Variants in AGAP1 observed in about 807,000 individuals in gnomAD.
AGAP1 encodes the protein arf-GAP with GTPase, ANK repeat and PH domain-containing protein 1.
AGAP1 carries 29 observed loss-of-function variants against 105.3 expected under a neutral mutation model. That is an observed-to-expected ratio of 0.28 (90% CI 0.21 to 0.38). The LOEUF (loss-of-function observed/expected upper bound fraction) is 0.38. Ranked by LOEUF, AGAP1 falls within the 10% of genes least tolerant of loss-of-function variation. The pLI, the probability that AGAP1 is intolerant of heterozygous loss-of-function variation, is 1.00. For synonymous variants in AGAP1, 509 were observed against 485.9 expected (o/e 1.05, Z -0.63); for missense variants, 998 against 1,165.1 (o/e 0.86, Z 2.09).
chr2:235,807,712 A>G (rs1010277105), intron 9 of AGAP1, among the ~76,000 whole-genome samples: 2 of 152,178 alleles, frequency 1.3e-5, no homozygotes, highest in Non-Finnish European at 2.9e-5. Context: ...ACGTGGCCCT[A>G]ATTTGCTCTC....
chr2:235,502,948 A>ATTAGCTTCAG (rs967469558), intron 1 of AGAP1, among the ~76,000 whole-genome samples: 1 of 151,974 alleles, frequency 6.6e-6, no homozygotes, highest in Non-Finnish European at 1.5e-5. Context: ...TTTAGCTTCA[A>ATTAGCTTCAG]TTCAATAAGT....
At position 236,038,067 on chromosome 2, in the gene AGAP1, A is replaced by T. The variant is rs2057435053; in HGVS notation, c.1800+1352A>T. ...ACCAGACCACAGTCATTATTATTATAATGTAATTTGCTTCCCTTTTTAAAA... is the reference window on the plus strand; with the variant it reads ...ACCAGACCACAGTCATTATTATTATTATGTAATTTGCTTCCCTTTTTAAAA... On this transcript the variant is annotated intron_variant, in intron 14 of 17. Coordinates refer to ENST00000304032, the MANE Select transcript of AGAP1 (RefSeq NM_001037131.3). This position sits in a 1 kb window ranked among gnomAD's most constrained non-coding sequence, Gnocchi z 4.5. Among the ~76,000 whole-genome samples the T allele has an allele frequency of 6.6e-6, 1 of 152,088 alleles. No homozygotes were observed. The highest frequency in any genetic ancestry group is 1.5e-5 in the Non-Finnish European group (1 of 68,028).
In AGAP1 at chr2:235,967,472, A is replaced by G. The variant is rs1297893050; in HGVS notation, c.1484-990A>G. Among the ~76,000 whole-genome samples, 1 of 152,086 alleles carries G rather than the reference A, an allele frequency of 6.6e-6. No individual in the cohort carries two copies. The highest frequency in any genetic ancestry group is 2.4e-5 in the African/African-American group (1 of 41,396). ...TGCCACTCCACTTTACAGAGTCCCCATTGGGGCAGGAATGTTTATCTGTTT... is the reference window on the plus strand; with the variant it reads ...TGCCACTCCACTTTACAGAGTCCCCGTTGGGGCAGGAATGTTTATCTGTTT... On this transcript the variant is annotated intron_variant, in intron 12 of 17. Coordinates refer to ENST00000304032, the MANE Select transcript of AGAP1 (RefSeq NM_001037131.3). This position sits in a 1 kb window ranked among gnomAD's most constrained non-coding sequence, Gnocchi z 4.7.
chr2:235,880,782 T>C (rs1361031417), intron 9 of AGAP1, among the ~76,000 whole-genome samples: 1 of 152,072 alleles, frequency 6.6e-6, no homozygotes, highest in African/African-American at 2.4e-5. Context: ...GAGGCTTTGT[T>C]ATGCTAAGTT....
In AGAP1 at chr2:235,497,891, C is replaced by T. The variant is rs149909493; in HGVS notation, c.163+3042C>T. Among the ~76,000 whole-genome samples the T allele has an allele frequency of 2.6e-3, 396 of 152,196 alleles. 2 individuals carry two copies. The highest frequency in any genetic ancestry group is 8.9e-3 in the African/African-American group (370 of 41,522). On this transcript the variant is annotated intron_variant, in intron 1 of 17. Coordinates refer to ENST00000304032, the MANE Select transcript of AGAP1 (RefSeq NM_001037131.3). ...GATTACAGGTGTGAGCCACCGTGCC[C>T]GGCCGGGCACTTCTTAACGTTATGA... is the stretch of plus-strand genomic sequence containing the variant.
intron 9 of AGAP1, among the ~76,000 whole-genome samples, chr2:235,815,919 G>A (rs1958425725): frequency 6.6e-6 from 1 of 152,156 alleles, no homozygotes; most frequent in Non-Finnish European, 1.5e-5. Flanking sequence ...CCTTCAGGCT[G>A]GTTTTGAAAA....
At chr2:235,871,622 A>G (rs2049444283) in intron 9 of AGAP1, among the ~76,000 whole-genome samples, 1 of 152,136 alleles carries the variant, frequency 6.6e-6, no homozygotes, top group South Asian at 2.1e-4. Flanking sequence ...ACAGGATGCT[A>G]ATTCTGTTTT....
At chr2:235,949,705 C>G (rs908552917) in intron 12 of AGAP1, among the ~76,000 whole-genome samples, 23 of 152,130 alleles carry the variant, frequency 1.5e-4, no homozygotes, top group Admixed American at 2.6e-4. Context: ...TCCACTTATC[C>G]TCGTAAAACA....
rs2052504184 is a variant in AGAP1, at chr2:235,927,376, A to G, written c.1325-3389A>G. On this transcript the variant is annotated intron_variant, in intron 11 of 17. Transcript: ENST00000304032. The surrounding 1 kb of genome is among the most constrained non-coding windows in gnomAD (Gnocchi z 4.4). The stretch of plus-strand genomic sequence containing the variant: ...ACACCCTCAGAGCTGCTGCACCAGC[A>G]TCTCAGTGGATTGGACTTGTCCTTG... Among the ~76,000 whole-genome samples, 1 of 152,218 alleles carries G rather than the reference A, an allele frequency of 6.6e-6. No homozygotes were observed. Among genetic ancestry groups the G allele is most frequent in the African/African-American group, 2.4e-5 (1 of 41,462 alleles).
chr2:235,988,365 G>A lies in AGAP1; in HGVS notation c.1645+19742G>A, dbSNP rs575620133. Among the ~76,000 whole-genome samples, 23 of 152,222 alleles carry A rather than the reference G, an allele frequency of 1.5e-4. No individual in the cohort carries two copies. The highest frequency in any genetic ancestry group is 4.2e-4 in the South Asian group (2 of 4,808). On this transcript the variant is annotated intron_variant, in intron 13 of 17. Transcript: ENST00000304032. This position sits in a 1 kb window ranked among gnomAD's most constrained non-coding sequence, Gnocchi z 4.7. ...GCCTAAAACTCCTTTTGATTGGTGC[G>A]TGGGTGACAATGGATTCCCTGTCCC...
intron 16 of AGAP1, among the ~76,000 whole-genome samples, chr2:236,065,359 A>G (rs992449492): frequency 2.6e-5 from 4 of 152,238 alleles, no homozygotes; most frequent in Non-Finnish European, 4.4e-5. Flanking sequence ...GTGACTCTGC[A>G]TTCGACTGGA....
At chr2:235,816,217 C>T (rs112502024) in intron 9 of AGAP1, among the ~76,000 whole-genome samples, 36,405 of 151,842 alleles carry the variant, frequency 0.24, 5,290 homozygotes, top group Admixed American at 0.4. Flanking sequence ...GTGGGTGGAT[C>T]GCGAGGTCAG....
rs3820777 is a variant in AGAP1, at chr2:235,744,876, T to A, written c.538+37T>A. Reference sequence around the variant, plus strand: ...TCGTGTGCAGATTGTTTTGAAAGGGTTCTAACAGTTACATATTTTCAGTAT... The same window carrying A: ...TCGTGTGCAGATTGTTTTGAAAGGGATCTAACAGTTACATATTTTCAGTAT... On this transcript the variant is annotated intron_variant, in intron 5 of 17. Transcript: ENST00000304032. This position sits in a 1 kb window ranked among gnomAD's most constrained non-coding sequence, Gnocchi z 5.2. 1 of 1,606,460 alleles carries A rather than the reference T, an allele frequency of 6.2e-7. No individual in the cohort carries two copies. The highest frequency in any genetic ancestry group is 1.1e-5 in the South Asian group (1 of 90,454).
rs374339908 is a variant in AGAP1 at position 235,655,314 on chromosome 2, G to C, written c.164-53865G>C. 4.5e-4 allele frequency among the ~76,000 whole-genome samples: 69 copies of C among 152,276 alleles called. 1 individual carries two copies. The highest frequency in any genetic ancestry group is 1.5e-3 in the African/African-American group (64 of 41,574). On this transcript the variant is annotated intron_variant, in intron 1 of 17. Transcript: ENST00000304032. This position sits in a 1 kb window ranked among gnomAD's most constrained non-coding sequence, Gnocchi z 4.3. ...GCCTGGTATATGCATTCCTTGTGGT[G>C]TGTATTAATAAATTGAGTAGGTGAA... is the stretch of plus-strand genomic sequence containing the variant.
intron 3 of AGAP1, among the ~76,000 whole-genome samples, chr2:235,722,263 C>T (rs1334069812): frequency 1.3e-5 from 2 of 152,174 alleles, no homozygotes; most frequent in African/African-American, 4.8e-5. Context: ...AATGTATTCT[C>T]ACAAGTCGGA....
chr2:236,097,578 A>G (rs1481465785), intron 16 of AGAP1, among the ~76,000 whole-genome samples: 1 of 151,600 alleles, frequency 6.6e-6, no homozygotes, highest in Non-Finnish European at 1.5e-5. Flanking sequence ...ATTTTAGTAG[A>G]GATGGGGTTT....
chr2:236,099,609 G>A (rs2059295285), intron 16 of AGAP1, among the ~76,000 whole-genome samples: 1 of 152,168 alleles, frequency 6.6e-6, no homozygotes, highest in South Asian at 2.1e-4. Context: ...TTCAAAACTG[G>A]CTTTCTGAGA....
chr2:235,955,512 A>G (rs1424132475), intron 12 of AGAP1, among the ~76,000 whole-genome samples: 1 of 152,220 alleles, frequency 6.6e-6, no homozygotes. Flanking sequence ...AACACACAGA[A>G]GTACTGATTT....
rs1413648582 is a variant in AGAP1 at position 235,736,194 on chromosome 2, G to C, written c.311-4769G>C. ...GATCTGTCTGGTTCCTCACCCTGGGGGTGCCCGCCGTTGGGAGGTGCTGTG... is the reference window on the plus strand; with the variant it reads ...GATCTGTCTGGTTCCTCACCCTGGGCGTGCCCGCCGTTGGGAGGTGCTGTG... On this transcript the variant is annotated intron_variant, in intron 3 of 17. Coordinates refer to ENST00000304032, the MANE Select transcript of AGAP1 (RefSeq NM_001037131.3). This position sits in a 1 kb window ranked among gnomAD's most constrained non-coding sequence, Gnocchi z 5.5. 6.6e-6 allele frequency among the ~76,000 whole-genome samples: 1 copy of C among 151,842 alleles called. No homozygotes were observed. The highest frequency in any genetic ancestry group is 1.5e-5 in the Non-Finnish European group (1 of 67,992).
Sources: gnomAD v4.1 joint callset for allele counts (sites outside exome capture counted in the v4.1 genomes callset) on GRCh38, gnomAD v4.1.1 for gene constraint, Gnocchi (gnomAD v3.1) non-coding constraint, MANE v1.5 for transcripts, NCBI Gene and HGNC (gene_info 2026-07-23, HGNC 2026-07-21) for gene names.